MTERF4: variants seen among roughly 807,000 people sequenced by gnomAD.
MTERF4 encodes transcription termination factor 4, mitochondrial.
In MTERF4, 17 loss-of-function variants were observed where a neutral mutation model predicts 22.5. The ratio of observed to expected loss-of-function variants is 0.75; its 90% CI spans 0.52 to 1.13. The LOEUF (loss-of-function observed/expected upper bound fraction) is 1.13, where lower values mean the gene tolerates loss of function less well. MTERF4 is among the 50% of genes most tolerant of loss of function. MTERF4 has a pLI of 0.00. For synonymous variants in MTERF4, 165 were observed against 175.3 expected (o/e 0.94, Z 0.47); for missense variants, 420 against 466.8 (o/e 0.90, Z 0.92).
downstream of MTERF4, chr2:241,095,527 A>G (rs1252822990): frequency 1.2e-5 from 2 of 162,320 alleles, no homozygotes; most frequent in South Asian, 1.8e-4. Context: ...AATCTGCTAC[A>G]TGTTTTCATA....
the MTERF4 span, chr2:241,048,557 C>T: frequency 6.7e-7 from 1 of 1,495,354 alleles, no homozygotes; most frequent in Non-Finnish European, 9.1e-7. Context: ...TGCGCGTCCA[C>T]TGCAATTTGT....
At chr2:241,087,106 CACATTTT>C (rs2063621384), downstream of MTERF4, 1 of 354,700 alleles carries the variant, frequency 2.8e-6, no homozygotes, top group South Asian at 7.1e-5. Context: ...TTTGACATTT[CACATTTT>C]ATTTTTAGTA....
At position 241,073,125 on chromosome 2, in the gene MTERF4, T is replaced by C; in HGVS notation, n.3037A>G. 1 of 629,500 alleles carries C rather than the reference T, an allele frequency of 1.6e-6. No homozygotes were observed. Among genetic ancestry groups the C allele is most frequent in the Non-Finnish European group, 2.8e-6 (1 of 359,824 alleles). 39.0% of individuals were successfully genotyped at this position (629,500 alleles called of 1,614,324 possible). A position where few individuals can be genotyped will look rare whatever the true frequency, so the allele number is the denominator to read the frequency against. On this transcript the variant is annotated non_coding_transcript_exon_variant, in exon 5 of 5. Transcript: ENST00000464344. This position sits in a 1 kb window ranked among gnomAD's most constrained non-coding sequence, Gnocchi z 6.6. ...GGGAGGCAGCTCTGGGGCCGACAGG[T>C]GCTGGGGCCACGCAGGGAGCCTGGT...
chr2:241,070,629 C>T (rs1212018632), downstream of MTERF4, among the ~76,000 whole-genome samples: 1 of 152,202 alleles, frequency 6.6e-6, no homozygotes, highest in African/African-American at 2.4e-5. Flanking sequence ...GCAAGGCAGG[C>T]AGGAATGCTG....
the MTERF4 span, chr2:241,051,922 C>G: frequency 2.0e-6 from 3 of 1,476,642 alleles, no homozygotes; most frequent in Non-Finnish European, 2.8e-6. This position sits in a 1 kb window ranked among gnomAD's most constrained non-coding sequence, Gnocchi z 4.7. Flanking sequence ...GCTGGGGCCC[C>G]TGATGCACCC....
At chr2:241,053,124 C>T in the MTERF4 span, 852 of 1,593,998 alleles carry the variant, frequency 5.3e-4, 1 homozygote, top group African/African-American at 2.7e-3. Context: ...GGCACAGGAC[C>T]GTGCGAGACA....
chr2:241,087,564 C>T, downstream of MTERF4: 1 of 1,489,822 alleles, frequency 6.7e-7, no homozygotes, highest in Non-Finnish European at 8.9e-7. Flanking sequence ...ATGCTGCAGG[C>T]CTGTGGGCTG....
At chr2:241,081,356 G>T (rs1276258749) in intron 4 of MTERF4, among the ~76,000 whole-genome samples, 1 of 152,138 alleles carries the variant, frequency 6.6e-6, no homozygotes, top group Non-Finnish European at 1.5e-5. Flanking sequence ...GCCAGTGGGG[G>T]CTCAGCACTG....
At chr2:241,076,995 C>T (rs546336203) in intron 4 of MTERF4, among the ~76,000 whole-genome samples, 118 of 151,710 alleles carry the variant, frequency 7.8e-4, no homozygotes, top group Non-Finnish European at 1.3e-3. Context: ...AGGAGAATGG[C>T]GTGAACCCGG....
downstream of MTERF4, chr2:241,069,060 C>T (rs1441282001): frequency 1.4e-6 from 2 of 1,410,240 alleles, no homozygotes; most frequent in South Asian, 2.5e-5. The surrounding 1 kb of genome is among the most constrained non-coding windows in gnomAD (Gnocchi z 4.9). Flanking sequence ...ACACGAAAGG[C>T]CGTCTTCTAG....
At chr2:241,061,330 C>T in the MTERF4 span, among the ~76,000 whole-genome samples, 5 of 152,186 alleles carry the variant, frequency 3.3e-5, no homozygotes, top group South Asian at 4.1e-4. Flanking sequence ...GTACATTCAG[C>T]TGGTAAATTT....
downstream of MTERF4, chr2:241,088,112 CCTCTCT>C: frequency 2.0e-6 from 1 of 498,748 alleles, no homozygotes; most frequent in South Asian, 2.8e-5. Flanking sequence ...CCACGTCCAT[CCTCTCT>C]CTCTCTGACT....
chr2:241,049,601 G>T, the MTERF4 span, among the ~76,000 whole-genome samples: 4 of 152,300 alleles, frequency 2.6e-5, no homozygotes, highest in Admixed American at 2.6e-4. Flanking sequence ...AAGACGGAAG[G>T]GTGAATTCTG....
At chr2:241,053,447 C>T in the MTERF4 span, 1 of 954,316 alleles carries the variant, frequency 1.0e-6, no homozygotes, top group East Asian at 2.6e-5. Flanking sequence ...CCTGGTCCTG[C>T]CCCTGCTCCC....
chr2:241,069,343 T>C (rs1209712964), downstream of MTERF4, among the ~76,000 whole-genome samples: 1 of 152,160 alleles, frequency 6.6e-6, no homozygotes, highest in Admixed American at 6.5e-5. The surrounding 1 kb of genome is among the most constrained non-coding windows in gnomAD (Gnocchi z 4.9). Flanking sequence ...TCCAGGGCCC[T>C]TGTACCTTGC....
chr2:241,069,063 TC>T (rs1253122452), downstream of MTERF4: 3 of 1,388,480 alleles, frequency 2.2e-6, no homozygotes, highest in Non-Finnish European at 3.0e-6. This position sits in a 1 kb window ranked among gnomAD's most constrained non-coding sequence, Gnocchi z 4.9. Context: ...CGAAAGGCCG[TC>T]TTCTAGAAGC....
downstream of MTERF4, chr2:241,092,473 C>G (rs910650033): frequency 4.6e-5 from 7 of 152,132 alleles, no homozygotes; most frequent in African/African-American, 9.7e-5. This position sits in a 1 kb window ranked among gnomAD's most constrained non-coding sequence, Gnocchi z 4.6. Flanking sequence ...TTTGGTGAAC[C>G]CTGTTCTATG....
chr2:241,089,235 T>G, downstream of MTERF4: 1 of 1,440,780 alleles, frequency 6.9e-7, no homozygotes, highest in Admixed American at 2.6e-5. Context: ...AATCTCTGGT[T>G]GGCCTAGGAC....
intron 1 of MTERF4, 56 bp downstream of exon 1, chr2:241,102,197 G>A: frequency 3.0e-5 from 46 of 1,547,226 alleles, no homozygotes; most frequent in Non-Finnish European, 3.6e-5. Flanking sequence ...GTTCCTCTGC[G>A]TCGCTGCCCG....
Sources: allele counts gnomAD v4.1 joint callset (sites outside exome capture counted in the v4.1 genomes callset), GRCh38; gene constraint gnomAD v4.1.1; non-coding constraint Gnocchi (gnomAD v3.1); transcripts MANE v1.5; gene names NCBI Gene and HGNC (gene_info 2026-07-23, HGNC 2026-07-21).